Variants in SLIT3 observed in about 807,000 individuals in gnomAD.
SLIT3 encodes slit guidance ligand 3, also known as slit homolog 3 protein.
In SLIT3, 68 loss-of-function variants were observed where a neutral mutation model predicts 184.0. The ratio of observed to expected loss-of-function variants is 0.37; its 90% CI spans 0.30 to 0.45. The LOEUF is 0.45. Among genes scored for constraint, SLIT3 ranks in the 20% least tolerant of loss-of-function variants. The probability of loss-of-function intolerance (pLI) is 1.00; values close to 1 mark genes in which losing one functional copy is unlikely to be tolerated. For missense variants in SLIT3, 1,707 were observed against 2,026.0 expected (o/e 0.84, Z 3.02); for synonymous variants, 831 against 828.6 (o/e 1.00, Z -0.05).
chr5:168,917,339 C>T (rs11740183), intron 4 of SLIT3, among the ~76,000 whole-genome samples: 244 of 152,336 alleles, frequency 1.6e-3, no homozygotes, highest in Non-Finnish European at 2.9e-3. Context: ...CCTTCCTGCT[C>T]TGCTGTGGTC....
At chr5:168,934,530 A>C (rs1288718987) in intron 4 of SLIT3, among the ~76,000 whole-genome samples, 1 of 152,190 alleles carries the variant, frequency 6.6e-6, no homozygotes, top group African/African-American at 2.4e-5. Context: ...GGCTGGTGGA[A>C]GAGACAGGCT....
intron 8 of SLIT3, among the ~76,000 whole-genome samples, chr5:168,808,162 C>T (rs1757040554): frequency 6.6e-6 from 1 of 150,694 alleles, no homozygotes; most frequent in Non-Finnish European, 1.5e-5. Context: ...TAATGGAGAC[C>T]ATGGAAAATG....
At chr5:169,141,848 G>A (rs10475899) in intron 4 of SLIT3, among the ~76,000 whole-genome samples, 25,838 of 151,118 alleles carry the variant, frequency 0.17, 2,438 homozygotes, top group Middle Eastern at 0.33. Context: ...TCAGGAGATC[G>A]AGACCATCCT....
intron 1 of SLIT3, among the ~76,000 whole-genome samples, chr5:169,270,865 T>A (rs1260597930): frequency 6.6e-6 from 1 of 152,166 alleles, no homozygotes; most frequent in Non-Finnish European, 1.5e-5. Context: ...TCTATTTCCT[T>A]ATCTGTAGTA....
intron 4 of SLIT3, among the ~76,000 whole-genome samples, chr5:169,051,714 G>T (rs1265833420): frequency 6.6e-6 from 1 of 152,170 alleles, no homozygotes. Context: ...AATCCACCCT[G>T]CAGAAATGAG....
chr5:168,914,400 G>C (rs967530008), intron 4 of SLIT3, among the ~76,000 whole-genome samples: 5 of 152,190 alleles, frequency 3.3e-5, no homozygotes, highest in Non-Finnish European at 7.3e-5. Context: ...ATTAAATCAT[G>C]GTCAGAGAGA....
intron 4 of SLIT3, among the ~76,000 whole-genome samples, chr5:169,092,184 T>C (rs773670906): frequency 2.0e-5 from 3 of 152,074 alleles, no homozygotes; most frequent in Non-Finnish European, 4.4e-5. Context: ...GATCGTGCCA[T>C]TGCACTCCAG....
chr5:168,883,233 A>T (rs1419884891), intron 5 of SLIT3, 32 bp downstream of exon 5: 1 of 1,594,044 alleles, frequency 6.3e-7, no homozygotes, highest in East Asian at 2.2e-5. Flanking sequence ...AGTTAGCCAC[A>T]TACGTAGTGA....
intron 4 of SLIT3, among the ~76,000 whole-genome samples, chr5:168,946,997 T>C (rs911635300): frequency 6.6e-6 from 1 of 152,176 alleles, no homozygotes; most frequent in African/African-American, 2.4e-5. Flanking sequence ...GGGGGTGTAT[T>C]GTTATTATTA....
intron 34 of SLIT3, 25 bp from the exon 35 acceptor site, chr5:168,670,016 A>C (rs1447012170): frequency 1.2e-6 from 2 of 1,605,804 alleles, no homozygotes; most frequent in Non-Finnish European, 1.7e-6. Context: ...GAGGATGAGA[A>C]GGGAACTGGA....
intron 26 of SLIT3, among the ~76,000 whole-genome samples, chr5:168,703,642 G>T (rs576644697): frequency 2.0e-5 from 3 of 152,194 alleles, no homozygotes; most frequent in Admixed American, 1.3e-4. Flanking sequence ...TGCCAAAAAG[G>T]TTGGGAATCA....
chr5:169,060,120 C>T (rs1024313856), intron 4 of SLIT3, among the ~76,000 whole-genome samples: 12 of 152,180 alleles, frequency 7.9e-5, no homozygotes, highest in East Asian at 3.9e-4. Flanking sequence ...CCACGCGCAG[C>T]GGCTCATGGC....
chr5:168,775,824 C>T (rs1755727198), intron 12 of SLIT3, among the ~76,000 whole-genome samples: 1 of 152,142 alleles, frequency 6.6e-6, no homozygotes, highest in South Asian at 2.1e-4. Flanking sequence ...TCATAGGAAG[C>T]TACCCTTTGG....
At chr5:168,912,172 T>TTAA (rs1439143115) in intron 4 of SLIT3, among the ~76,000 whole-genome samples, 2 of 152,242 alleles carry the variant, frequency 1.3e-5, no homozygotes, top group African/African-American at 2.4e-5. Flanking sequence ...TATGATTTTC[T>TTAA]TAATAACATT....
At chr5:169,032,187 T>C (rs951967813) in intron 4 of SLIT3, among the ~76,000 whole-genome samples, 1 of 152,172 alleles carries the variant, frequency 6.6e-6, no homozygotes, top group Admixed American at 6.5e-5. Context: ...GAAGGTACTA[T>C]GAAAATACAG....
intron 6 of SLIT3, among the ~76,000 whole-genome samples, chr5:168,842,474 T>G (rs900633899): frequency 2.3e-5 from 3 of 127,732 alleles, no homozygotes; most frequent in Non-Finnish European, 3.3e-5. Context: ...TTTTCGTTTT[T>G]TTTTTTTTTT....
At chr5:169,235,687 C>T (rs1200526852) in intron 3 of SLIT3, among the ~76,000 whole-genome samples, 2 of 152,114 alleles carry the variant, frequency 1.3e-5, no homozygotes, top group Non-Finnish European at 2.9e-5. Context: ...TCTGATTTCC[C>T]TTGTTTTTCA....
intron 15 of SLIT3, among the ~76,000 whole-genome samples, chr5:168,761,152 T>C (rs924350004): frequency 6.6e-6 from 1 of 152,148 alleles, no homozygotes; most frequent in African/African-American, 2.4e-5. Flanking sequence ...GAAGCCTCCT[T>C]CGGCTGGGGT....
At chr5:168,674,385 T>G (rs993880353) in intron 32 of SLIT3, among the ~76,000 whole-genome samples, 7 of 152,126 alleles carry the variant, frequency 4.6e-5, no homozygotes, top group African/African-American at 1.7e-4. Context: ...GAAATGCTCA[T>G]TAGAAGATTT....
Sources: gnomAD v4.1 joint callset for allele counts (sites outside exome capture counted in the v4.1 genomes callset) on GRCh38, gnomAD v4.1.1 for gene constraint, MANE v1.5 for transcripts, NCBI Gene and HGNC (gene_info 2026-07-23, HGNC 2026-07-21) for gene names.